Variants in ADAM33 observed in about 807,000 individuals in gnomAD.
ADAM33 encodes the protein ADAM metallopeptidase domain 33, also known as disintegrin and metalloproteinase domain-containing protein 33.
A neutral mutation model predicts 106.2 loss-of-function variants in ADAM33; 103 were observed. The observed-to-expected ratio is 0.97, with a 90% CI of 0.83 to 1.14. The LOEUF is 1.14. Ranked by LOEUF, ADAM33 falls within the 50% of genes most tolerant of loss-of-function variation. The pLI is 0.00. For missense variants in ADAM33, 1,120 were observed against 1,096.6 expected, an observed-to-expected ratio of 1.02 and a Z score of -0.30; for synonymous variants, 483 against 453.0, an observed-to-expected ratio of 1.07 and a Z score of -0.84.
intron 2 of ADAM33, among the ~76,000 whole-genome samples, chr20:3,678,994 C>A (rs547776885): frequency 6.6e-6 from 1 of 152,050 alleles, no homozygotes; most frequent in Non-Finnish European, 1.5e-5. Flanking sequence ...TGACCACTGC[C>A]CCCCCGATAC....
intron 1 of ADAM33, among the ~76,000 whole-genome samples, chr20:3,680,179 A>C (rs551735044): frequency 2.5e-4 from 38 of 152,108 alleles, no homozygotes; most frequent in Non-Finnish European, 5.2e-4. Context: ...GGGTGTGCCT[A>C]AGGGGGCTCT....
chr20:3,673,265 A>T, intron 11 of ADAM33, 89 bp downstream of exon 11: 1 of 1,534,210 alleles, frequency 6.5e-7, no homozygotes, highest in Admixed American at 2.0e-5. Context: ...TTTACAGAAG[A>T]GGAAACTGAG....
At chr20:3,674,188 GACCCCGCCA>G in intron 7 of ADAM33, 22 bp downstream of exon 7, 1 of 1,614,130 alleles carries the variant, frequency 6.2e-7, no homozygotes, top group South Asian at 1.1e-5. Flanking sequence ...CCCCATCCCT[GACCCCGCCA>G]ACCCCTGGGG....
Position 3,673,564 on chromosome 20 carries a change from C to A in ADAM33, c.990+10G>T. 1 of 1,392,930 alleles carries A rather than the reference C, an allele frequency of 7.2e-7. No homozygotes were observed. The highest frequency in any genetic ancestry group is 9.3e-7 in the Non-Finnish European group (1 of 1,080,080). The allele number at this position is 1,392,930 out of a possible 1,614,324, so 86.3% of individuals were successfully genotyped here. On this transcript the variant is annotated intron_variant, in intron 10 of 21. Transcript: ENST00000356518. ...CCTGTCTCTCCCTCGCCCCCGCCCG[C>A]GGGGCTCACCGTGCTCACGCCTCCC...
intron 1 of ADAM33, 36 bp from the exon 2 acceptor site, chr20:3,679,607 T>G (rs2088298709): frequency 6.4e-7 from 1 of 1,567,992 alleles, no homozygotes; most frequent in Admixed American, 1.8e-5. Context: ...GAGGGGGACC[T>G]GAGGAACACA....
chr20:3,673,831 C>T lies in ADAM33; in HGVS notation c.819G>A (p.Gln273=), dbSNP rs1259108261. ...AGGCCCAGAGCGTGGCGTTGGCGTC[C>T]TGCGTGACGCGGCTGCGGTCCCGCT... ...WTERDRSRVT[Q]DANATLWAFL... Residue 273 remains glutamine, a synonymous_variant, in exon 9 of 22, where the codon CAG becomes CAA. Coordinates refer to ENST00000356518, the MANE Select transcript of ADAM33 (RefSeq NM_025220.5). 1 of 1,559,754 alleles carries T rather than the reference C, an allele frequency of 6.4e-7. No individual in the cohort carries two copies. The highest frequency in any genetic ancestry group is 1.3e-5 in the African/African-American group (1 of 74,214).
intron 2 of ADAM33, among the ~76,000 whole-genome samples, chr20:3,677,404 C>T (rs1189711656): frequency 1.3e-5 from 2 of 152,210 alleles, no homozygotes; most frequent in African/African-American, 2.4e-5. Context: ...CACCAGCATC[C>T]TCCCTAGAGA....
Position 3,668,969 on chromosome 20 carries a change from G to A in ADAM33, c.2436C>T (p.Leu812=), listed in dbSNP as rs1342431436. ...ADQVQMPRSC[L]W is the part of the protein sequence containing the mutation. The stretch of plus-strand genomic sequence containing the variant: ...TCATTTTAGGAGCTACCTCTCACCA[G>A]AGGCAGGATCTTGGCATCTGGACTT... Residue 812 remains leucine, a synonymous_variant, in exon 22 of 22, where the codon CTC becomes CTT. Coordinates refer to ENST00000356518, the MANE Select transcript of ADAM33 (RefSeq NM_025220.5). The A allele has an allele frequency of 1.2e-6, 2 of 1,613,600 alleles. No individual in the cohort carries two copies. The highest frequency in any genetic ancestry group is 1.7e-5 in the Admixed American group (1 of 59,900).
At chr20:3,674,339 C>T (rs924914489) in intron 6 of ADAM33, 55 bp from the exon 7 acceptor site, 3 of 1,611,614 alleles carry the variant, frequency 1.9e-6, no homozygotes, top group Non-Finnish European at 1.7e-6. Flanking sequence ...TGAGCCCTGA[C>T]CACCAATCCC....
At chr20:3,673,989 T>TC (rs2087759360) in intron 8 of ADAM33, 75 bp downstream of exon 8, 1 of 1,607,056 alleles carries the variant, frequency 6.2e-7, no homozygotes, top group Non-Finnish European at 8.5e-7. Flanking sequence ...CCCTTCCTCT[T>TC]CCCCAAACCC....
rs776005804 is a variant in ADAM33 at position 3,674,209 on chromosome 20, C to G, written c.666+10G>C. On this transcript the variant is annotated intron_variant, in intron 7 of 21. Coordinates refer to ENST00000356518, the MANE Select transcript of ADAM33 (RefSeq NM_025220.5). ...CCCTGACCCCGCCAACCCCTGGGGTCTCTCCTCACCAGGGTGTGGTCTGCC... is the reference window on the plus strand; with the variant it reads ...CCCTGACCCCGCCAACCCCTGGGGTGTCTCCTCACCAGGGTGTGGTCTGCC... 6.2e-7 allele frequency: 1 copy of G among 1,614,106 alleles called. No homozygotes were observed. The highest frequency in any genetic ancestry group is 1.7e-5 in the Admixed American group (1 of 60,028).
intron 13 of ADAM33, 85 bp downstream of exon 13, chr20:3,672,451 GA>G: frequency 3.2e-6 from 5 of 1,581,008 alleles, no homozygotes; most frequent in Non-Finnish European, 4.3e-6. Context: ...CCCAACGGGG[GA>G]ACCTGAGGGC....
At position 3,671,128 on chromosome 20, in the gene ADAM33, C is replaced by A; in HGVS notation, c.2118G>T (p.Met706Ile). Residue 706 changes from methionine to isoleucine, a missense_variant, in exon 19 of 22, where the codon ATG becomes ATT. Physicochemically the swap from Met to Ile is conservative, Grantham distance 10. Coordinates refer to ENST00000356518, the MANE Select transcript of ADAM33 (RefSeq NM_025220.5). The stretch of plus-strand genomic sequence containing the variant: ...GCAGAGGCAGCAGGACGCTGAGGAG[C>A]ATGGCCAGCAGGAAGGTGTCATGGT... The part of the protein sequence containing the change: ...AENHDTFLLA[M>I]LLSVLLPLLP... 1 of 1,610,308 alleles carries A rather than the reference C, an allele frequency of 6.2e-7. No individual in the cohort carries two copies.
intron 12 of ADAM33, 21 bp downstream of exon 12, chr20:3,672,700 G>C: frequency 6.3e-7 from 1 of 1,589,858 alleles, no homozygotes. Context: ...GGCAAGTGGG[G>C]GCCGGGCGAG....
Position 3,671,316 on chromosome 20 carries a change from A to G in ADAM33, c.2013T>C (p.Cys671=). 6.2e-7 allele frequency: 1 copy of G among 1,614,000 alleles called. No homozygotes were observed. The highest frequency in any genetic ancestry group is 8.5e-7 in the Non-Finnish European group (1 of 1,179,968). The change falls in exon 18 of 22, where the codon TGT becomes TGC. Residue 671 remains cysteine, a synonymous_variant. Coordinates refer to ENST00000356518, the MANE Select transcript of ADAM33 (RefSeq NM_025220.5). The part of the protein sequence containing the change: ...GVCNSNHNCH[C]APGWAPPFCD... ...AGAAGGGTGGAGCCCAGCCTGGAGC[A>G]CAGTGGCAGTTATGGTTGCTATTGC... is the stretch of plus-strand genomic sequence containing the variant.
At position 3,672,750 on chromosome 20, in the gene ADAM33, C is replaced by A. The variant is rs747255442; in HGVS notation, c.1282G>T (p.Gly428Cys). ...CCAGGGCCGCAGTCACACTCCTCGCCCGCTTCCACGAAGCCGTTCCCGCAG... is the reference window on the plus strand; with the variant it reads ...CCAGGGCCGCAGTCACACTCCTCGCACGCTTCCACGAAGCCGTTCCCGCAG... ...ALCGNGFVEA[G>C]EECDCGPGQE... Residue 428 changes from glycine (G) to cysteine (C), a missense_variant, in exon 12 of 22, where the codon GGC becomes TGC. By Grantham distance (159) the Gly-to-Cys change is radical. Coordinates refer to ENST00000356518, the MANE Select transcript of ADAM33 (RefSeq NM_025220.5). The A allele has an allele frequency of 6.4e-7, 1 of 1,568,428 alleles. No individual in the cohort carries two copies. Among genetic ancestry groups the A allele is most frequent in the South Asian group, 1.2e-5 (1 of 85,762 alleles).
chr20:3,671,085 C>T lies in ADAM33; in HGVS notation c.2161G>A (p.Ala721Thr). The T allele has an allele frequency of 6.3e-7, 1 of 1,585,308 alleles. No homozygotes were observed. Residue 721 changes from alanine (A) to threonine (T), a missense_variant, in exon 19 of 22, where the codon GCC (alanine) becomes ACC (threonine). Transcript: ENST00000356518. ...CCTGGGAGTCGGTAGCAACACCAGG[C>T]CAGGCCGGCCCCTGGGAGCAGAGGC... ...LLPLLPGAGL[A>T]WCCYRLPGAH...
At position 3,671,633 on chromosome 20, in the gene ADAM33, T is replaced by G; in HGVS notation, c.1853A>C (p.Asp618Ala). The G allele has an allele frequency of 6.3e-7, 1 of 1,580,566 alleles. No homozygotes were observed. Among genetic ancestry groups the G allele is most frequent in the Non-Finnish European group, 8.6e-7 (1 of 1,162,762 alleles). ...GALALPSAQLDLLGLGLVEPG... is the reference protein window; with the variant it reads ...GALALPSAQLALLGLGLVEPG... Reference sequence around the variant, plus strand: ...CTCTACCAGGCCCAGGCCAAGCAGGTCCAGCTGGGCACTGGGGAGTGCCAA... The same window carrying G: ...CTCTACCAGGCCCAGGCCAAGCAGGGCCAGCTGGGCACTGGGGAGTGCCAA... Residue 618 changes from aspartate (D) to alanine (A), a missense_variant, in exon 16 of 22, where the codon GAC becomes GCC. By Grantham distance (126) the Asp-to-Ala change is moderately radical. Transcript: ENST00000356518.
chr20:3,677,200 G>T, intron 2 of ADAM33, 57 bp from the exon 3 acceptor site: 2 of 1,462,464 alleles, frequency 1.4e-6, no homozygotes, highest in East Asian at 2.6e-5. Flanking sequence ...CTGCCTGCCA[G>T]GGAGTAGGTG....
Sources: gnomAD v4.1 joint callset for allele counts (sites outside exome capture counted in the v4.1 genomes callset) on GRCh38, gnomAD v4.1.1 for gene constraint, MANE v1.5 for transcripts, NCBI Gene and HGNC (gene_info 2026-07-23, HGNC 2026-07-21) for gene names.